MTPAP: variants seen among roughly 807,000 people sequenced by gnomAD.
The protein encoded by MTPAP is mitochondrial poly(A) polymerase.
In MTPAP, 23 loss-of-function variants were observed where a neutral mutation model predicts 48.7. The observed-to-expected ratio is 0.47, with a 90% CI of 0.34 to 0.67. The LOEUF is 0.67. MTPAP is among the 30% of genes least tolerant of loss of function. The pLI is 0.01. For missense variants in MTPAP, 614 were observed against 694.3 expected, an observed-to-expected ratio of 0.88 and a Z score of 1.30; for synonymous variants, 257 against 254.1, an observed-to-expected ratio of 1.01 and a Z score of -0.11.
rs973490436 is a variant in MTPAP at position 30,314,274 on chromosome 10, C to T, written c.1387-303G>A. ...GAGGTATCTGGACTAACTCAACCGA[C>T]AAAAGTATTTTTAAAATAATATAAC... On this transcript the variant is annotated intron_variant, in intron 8 of 8. Coordinates refer to ENST00000263063, the MANE Select transcript of MTPAP (RefSeq NM_018109.4). Among the ~76,000 whole-genome samples, 16 of 150,564 alleles carry T rather than the reference C, an allele frequency of 1.1e-4. 1 individual carries two copies. The highest frequency in any genetic ancestry group is 6.0e-4 in the Admixed American group (9 of 15,112).
rs1246207741 is a variant in MTPAP at position 30,313,146 on chromosome 10, T to C, written c.*463A>G. On this transcript the variant is annotated 3_prime_UTR_variant, in exon 9 of 9. Transcript: ENST00000263063. ...AATGTTTTCTAAACAGGGACTGATGTGGATATCAACAATGGTTTCATCCTA... is the reference window on the plus strand; with the variant it reads ...AATGTTTTCTAAACAGGGACTGATGCGGATATCAACAATGGTTTCATCCTA... 5.6e-6 allele frequency: 1 copy of C among 179,088 alleles called. No homozygotes were observed. The highest frequency in any genetic ancestry group is 1.2e-5 in the Non-Finnish European group (1 of 83,866). The allele number at this position is 179,088 out of a possible 1,614,324, so 11.1% of individuals were successfully genotyped here.
chr10:30,327,391 C>CG (rs59460806), intron 4 of MTPAP, among the ~76,000 whole-genome samples: 18,127 of 150,340 alleles, frequency 0.12, 1,998 homozygotes, highest in East Asian at 0.52. Flanking sequence ...CCCAGCTACC[C>CG]GGGAGGCTGA....
intron 1 of MTPAP, 40 bp downstream of exon 1, chr10:30,349,079 C>G: frequency 6.2e-7 from 1 of 1,613,592 alleles, no homozygotes. Flanking sequence ...ACTCCTCGCC[C>G]GCTGTGGGAC....
At chr10:30,333,135 T>G (rs181173380) in intron 4 of MTPAP, among the ~76,000 whole-genome samples, 62 of 151,634 alleles carry the variant, frequency 4.1e-4, no homozygotes, top group Admixed American at 2.7e-3. Context: ...AAAAATAAAT[T>G]AATTAATTAA....
chr10:30,323,559 G>C (rs1840753187), intron 5 of MTPAP, among the ~76,000 whole-genome samples: 1 of 151,932 alleles, frequency 6.6e-6, no homozygotes, highest in South Asian at 2.1e-4. Context: ...GCCCAGGCTA[G>C]AGCGCAATGG....
intron 2 of MTPAP, among the ~76,000 whole-genome samples, 159 bp downstream of exon 2, chr10:30,341,309 A>G (rs1834803275): frequency 6.6e-6 from 1 of 152,246 alleles, no homozygotes; most frequent in South Asian, 2.1e-4. Context: ...TCCCATATCA[A>G]AAACAAAACT....
At chr10:30,348,469 A>C (rs1588724689) in intron 1 of MTPAP, among the ~76,000 whole-genome samples, 1 of 152,326 alleles carries the variant, frequency 6.6e-6, no homozygotes, top group Non-Finnish European at 1.5e-5. Context: ...AAGAACTGTA[A>C]ATAGAATACA....
rs191707471 is a variant in MTPAP at position 30,318,542 on chromosome 10, A to G, written c.1220-2332T>C. Among the ~76,000 whole-genome samples, 153 of 152,356 alleles carry G rather than the reference A, an allele frequency of 1.0e-3. 1 individual carries two copies. Among genetic ancestry groups the G allele is most frequent in the Admixed American group, 9.1e-3 (140 of 15,304 alleles). On this transcript the variant is annotated intron_variant, in intron 6 of 8. Transcript: ENST00000263063. Reference sequence around the variant, plus strand: ...TTTTTCAGGAATGAATCTTCAATTAAAGCACTAAGCACAGAAGTAAATGTA... The same window carrying G: ...TTTTTCAGGAATGAATCTTCAATTAGAGCACTAAGCACAGAAGTAAATGTA...
chr10:30,313,738 G>C lies in MTPAP; in HGVS notation c.1620C>G (p.Ser540=). ...ACTTATTGCTTTTCTTCTTGGTAAA[G>C]GACTTTCTGTTTGGAGCAGATGGTA... ...LLLPSAPNRK[S]FTKKKSNKFA... Residue 540 remains serine (S), a synonymous_variant, in exon 9 of 9, where the codon TCC becomes TCG. Coordinates refer to ENST00000263063, the MANE Select transcript of MTPAP (RefSeq NM_018109.4). 2 of 1,614,164 alleles carry C rather than the reference G, an allele frequency of 1.2e-6. No individual in the cohort carries two copies. The highest frequency in any genetic ancestry group is 2.2e-5 in the South Asian group (2 of 91,090).
intron 4 of MTPAP, among the ~76,000 whole-genome samples, chr10:30,327,528 AAATAAATAAATAAATT>A (rs1241311943): frequency 4.7e-4 from 70 of 149,948 alleles, no homozygotes; most frequent in African/African-American, 1.6e-3. Flanking sequence ...ATAAATAAAT[AAATAAATAAATAAATT>A]ACTAAAACTC....
chr10:30,327,646 G>C (rs1400748855), intron 4 of MTPAP, among the ~76,000 whole-genome samples: 1 of 151,000 alleles, frequency 6.6e-6, no homozygotes, highest in East Asian at 2.0e-4. Context: ...AGGAGTTCTA[G>C]ACCAGCCTGG....
intron 8 of MTPAP, among the ~76,000 whole-genome samples, 191 bp downstream of exon 8, chr10:30,315,772 T>C (rs183717368): frequency 1.3e-5 from 2 of 152,340 alleles, no homozygotes; most frequent in East Asian, 3.9e-4. Context: ...TGGCTTTTAC[T>C]ATTTGGCATA....
intron 1 of MTPAP, among the ~76,000 whole-genome samples, chr10:30,345,999 C>T (rs1834869881): frequency 6.6e-6 from 1 of 151,044 alleles, no homozygotes; most frequent in South Asian, 2.1e-4. Context: ...CGAGATAGCG[C>T]CACTGAACTC....
chr10:30,313,980 T>G lies in MTPAP; in HGVS notation c.1387-9A>C. The G allele has an allele frequency of 6.2e-7, 1 of 1,612,136 alleles. No homozygotes were observed. The highest frequency in any genetic ancestry group is 8.5e-7 in the Non-Finnish European group (1 of 1,178,704). On this transcript the variant is annotated splice_polypyrimidine_tract_variant and intron_variant, in intron 8 of 8. Coordinates refer to ENST00000263063, the MANE Select transcript of MTPAP (RefSeq NM_018109.4). ...TTGTTTTGCTCCCTTCCCTATAGAT[T>G]ATTACACAGAAGAAAAAATGAGTAA...
rs1485307154 is a variant in MTPAP, at chr10:30,310,555, C to CCTGGGTGACAGA, written c.*3042_*3053dup. 6.8e-6 allele frequency: 1 copy of CCTGGGTGACAGA among 146,102 alleles called. No homozygotes were observed. Among genetic ancestry groups the CCTGGGTGACAGA allele is most frequent in the Non-Finnish European group, 1.5e-5 (1 of 67,430 alleles). 9.1% of individuals were successfully genotyped at this position (146,102 alleles called of 1,614,324 possible). On this transcript the variant is annotated 3_prime_UTR_variant, in exon 9 of 9. Coordinates refer to ENST00000263063, the MANE Select transcript of MTPAP (RefSeq NM_018109.4). Reference sequence around the variant, plus strand: ...GAGCCAAGATCACTGCACTCTCCAGCCTGGGTGACAGAGGGAGACCCATCT... The same window carrying CCTGGGTGACAGA: ...GAGCCAAGATCACTGCACTCTCCAGCCTGGGTGACAGACTGGGTGACAGAGGGAGACCCATCT...
At chr10:30,322,700 A>T in intron 5 of MTPAP, 83 bp from the exon 6 acceptor site, 1 of 900,414 alleles carries the variant, frequency 1.1e-6, no homozygotes, top group South Asian at 1.4e-5. Context: ...CAAGAAACAC[A>T]TCTAAATATC....
In MTPAP at chr10:30,313,982, T is replaced by C. The variant is rs1163938999; in HGVS notation, c.1387-11A>G. On this transcript the variant is annotated splice_polypyrimidine_tract_variant and intron_variant, in intron 8 of 8. Transcript: ENST00000263063. Reference sequence around the variant, plus strand: ...GTTTTGCTCCCTTCCCTATAGATTATTACACAGAAGAAAAAATGAGTAAGT... The same window carrying C: ...GTTTTGCTCCCTTCCCTATAGATTACTACACAGAAGAAAAAATGAGTAAGT... 1 of 1,611,936 alleles carries C rather than the reference T, an allele frequency of 6.2e-7. No homozygotes were observed. The highest frequency in any genetic ancestry group is 1.3e-5 in the African/African-American group (1 of 74,838).
intron 6 of MTPAP, among the ~76,000 whole-genome samples, chr10:30,319,425 G>T (rs1278611709): frequency 6.6e-6 from 1 of 152,048 alleles, no homozygotes; most frequent in African/African-American, 2.4e-5. Context: ...CAAATGAGAG[G>T]TACAGCTTAG....
At chr10:30,338,109 C>T (rs1359486411) in intron 3 of MTPAP, among the ~76,000 whole-genome samples, 1 of 147,854 alleles carries the variant, frequency 6.8e-6, no homozygotes, top group Non-Finnish European at 1.5e-5. Flanking sequence ...AAAAAAAATA[C>T]AAAAACTAGC....
Sources: allele counts gnomAD v4.1 joint callset (sites outside exome capture counted in the v4.1 genomes callset), GRCh38; gene constraint gnomAD v4.1.1; transcripts MANE v1.5; gene names NCBI Gene and HGNC (gene_info 2026-07-23, HGNC 2026-07-21).